Variants in ST6GAL2 observed in about 807,000 individuals in gnomAD.
ST6GAL2 encodes beta-galactoside alpha-2,6-sialyltransferase 2.
ST6GAL2 carries 24 observed loss-of-function variants against 37.5 expected under a neutral mutation model. The ratio of observed to expected loss-of-function variants is 0.64; its 90% confidence interval spans 0.46 to 0.90. The LOEUF (loss-of-function observed/expected upper bound fraction) is 0.90. ST6GAL2 is among the 40% of genes least tolerant of loss of function. The probability of loss-of-function intolerance (pLI) is 0.00; values close to 1 mark genes in which losing one functional copy is unlikely to be tolerated. For synonymous variants in ST6GAL2, 306 were observed against 295.1 expected (o/e 1.04, Z -0.38); for missense variants, 715 against 712.7 (o/e 1.00, Z -0.04).
chr2:106,829,458 T>G (rs985559667), intron 5 of ST6GAL2, among the ~76,000 whole-genome samples: 1 of 152,206 alleles, frequency 6.6e-6, no homozygotes, highest in Non-Finnish European at 1.5e-5. Context: ...CATGGTCAAC[T>G]GTCCCAGCTG....
intron 1 of ST6GAL2, among the ~76,000 whole-genome samples, chr2:106,864,158 A>G (rs1450163671): frequency 1.3e-5 from 2 of 152,236 alleles, no homozygotes; most frequent in African/African-American, 2.4e-5. Context: ...CAAACTACCC[A>G]CAGATGTCTG....
At position 106,843,701 on chromosome 2, in the gene ST6GAL2, G is replaced by T. The variant is rs966470817; in HGVS notation, c.277C>A (p.Pro93Thr). The T allele has an allele frequency of 2.5e-6, 4 of 1,613,022 alleles. No homozygotes were observed. The African/African-American group carries it at 5.3e-5, about 22-fold the overall frequency. The part of the protein sequence containing the change: ...AHPAGSFHAG[P>T]GDLQKWAQSQ... ...TGGGCCCATTTCTGCAGGTCTCCAG[G>T]CCCCGCATGAAAGGAACCGGCTGGG... Residue 93 changes from proline to threonine, a missense_variant, in exon 2 of 6, where the codon CCT (proline) becomes ACT (threonine). Physicochemically the swap from Pro to Thr is conservative, Grantham distance 38. Coordinates refer to ENST00000409382, the MANE Select transcript of ST6GAL2 (RefSeq NM_001142351.2).
At chr2:106,844,956 T>G (rs1034147399) in intron 1 of ST6GAL2, among the ~76,000 whole-genome samples, 1 of 152,096 alleles carries the variant, frequency 6.6e-6, no homozygotes, top group African/African-American at 2.4e-5. Context: ...AAAACATTAA[T>G]AAGAAATGCT....
At chr2:106,849,116 G>A (rs57194995) in intron 1 of ST6GAL2, among the ~76,000 whole-genome samples, 11,803 of 152,226 alleles carry the variant, frequency 0.078, 1,079 homozygotes, top group East Asian at 0.46. Flanking sequence ...TGCTTTCCCA[G>A]GTGGCCAGCC....
At chr2:106,836,203 T>C (rs1676629424) in intron 2 of ST6GAL2, among the ~76,000 whole-genome samples, 2 of 152,216 alleles carry the variant, frequency 1.3e-5, no homozygotes, top group Admixed American at 1.3e-4. Context: ...TGCAAGTCTC[T>C]TTAAGGTCTG....
intron 2 of ST6GAL2, among the ~76,000 whole-genome samples, chr2:106,839,162 G>A (rs1209046387): frequency 6.6e-6 from 1 of 152,144 alleles, no homozygotes; most frequent in African/African-American, 2.4e-5. Flanking sequence ...GCTTGCAAGG[G>A]CATCCAGGAA....
chr2:106,862,527 GA>G (rs1027937461), intron 1 of ST6GAL2, among the ~76,000 whole-genome samples: 1 of 150,662 alleles, frequency 6.6e-6, no homozygotes, highest in African/African-American at 2.4e-5. Context: ...TGATTTCGAA[GA>G]AAAAAAATAC....
At chr2:106,846,209 C>A (rs572180203) in intron 1 of ST6GAL2, among the ~76,000 whole-genome samples, 1 of 152,274 alleles carries the variant, frequency 6.6e-6, no homozygotes, top group East Asian at 1.9e-4. Flanking sequence ...AGTCAGTCAA[C>A]GGTGAGTGAT....
chr2:106,847,399 T>C (rs142035006), intron 1 of ST6GAL2, among the ~76,000 whole-genome samples: 70 of 152,350 alleles, frequency 4.6e-4, no homozygotes, highest in Middle Eastern at 6.8e-3. Context: ...AAGAATTCTA[T>C]TAAGAAATTG....
intron 1 of ST6GAL2, among the ~76,000 whole-genome samples, chr2:106,883,257 G>A (rs1191163903): frequency 2.0e-5 from 3 of 152,166 alleles, no homozygotes; most frequent in African/African-American, 7.2e-5. Context: ...ATTTTGTAAG[G>A]GGCATAATAA....
intron 5 of ST6GAL2, among the ~76,000 whole-genome samples, chr2:106,816,095 T>C (rs1227139784): frequency 5.3e-5 from 8 of 152,228 alleles, no homozygotes; most frequent in Non-Finnish European, 1.0e-4. Context: ...AGTTATTTGG[T>C]GTTTTTAAAA....
chr2:106,843,094 C>T lies in ST6GAL2; in HGVS notation c.884G>A (p.Ser295Asn), dbSNP rs1475433439. The T allele has an allele frequency of 1.3e-6, 2 of 1,521,292 alleles. No homozygotes were observed. Among genetic ancestry groups the T allele is most frequent in the Admixed American group, 4.7e-5 (2 of 42,568 alleles). The allele number at this position is 1,521,292 out of a possible 1,614,324, so 94.2% of individuals were successfully genotyped here. A position where few individuals can be genotyped will look rare whatever the true frequency, so the allele number is the denominator to read the frequency against. ...LSQLHPRGLR[S>N]CAVVMSAGAI... Reference sequence around the variant, plus strand: ...GCCTGCAGACATGACGACAGCGCAGCTGCGCAGGCCGCGGGGGTGCAGCTG... The same window carrying T: ...GCCTGCAGACATGACGACAGCGCAGTTGCGCAGGCCGCGGGGGTGCAGCTG... Residue 295 changes from serine (S) to asparagine (N), a missense_variant, in exon 2 of 6, where the codon AGC (serine) becomes AAC (asparagine). By Grantham distance (46) the Ser-to-Asn change is conservative. Coordinates refer to ENST00000409382, the MANE Select transcript of ST6GAL2 (RefSeq NM_001142351.2).
intron 3 of ST6GAL2, among the ~76,000 whole-genome samples, chr2:106,833,447 G>A (rs1025547505): frequency 1.3e-5 from 2 of 152,122 alleles, no homozygotes; most frequent in African/African-American, 4.8e-5. Context: ...CTTTTGTTCT[G>A]TAAGCAACTC....
Position 106,822,712 on chromosome 2 carries a change from C to T in ST6GAL2, c.1318+7354G>A, listed in dbSNP as rs140319137. ...ATGACCCAGAGTAGCCAAAACTATC[C>T]TGAGTGAAAAGAACAAAACTGGGGA... On this transcript the variant is annotated intron_variant, in intron 5 of 5. Transcript: ENST00000409382. 2.9e-3 allele frequency among the ~76,000 whole-genome samples: 437 copies of T among 152,096 alleles called. 1 individual carries two copies. The highest frequency in any genetic ancestry group is 3.4e-3 in the Non-Finnish European group (231 of 67,942).
chr2:106,871,390 T>C (rs1678261567), intron 1 of ST6GAL2, among the ~76,000 whole-genome samples: 1 of 152,176 alleles, frequency 6.6e-6, no homozygotes, highest in South Asian at 2.1e-4. Flanking sequence ...AGTGTAAGTT[T>C]ACATGAAATT....
chr2:106,838,229 G>A (rs1317967547), intron 2 of ST6GAL2, among the ~76,000 whole-genome samples: 1 of 152,188 alleles, frequency 6.6e-6, no homozygotes, highest in Non-Finnish European at 1.5e-5. Flanking sequence ...ATGCTGTGTT[G>A]TCCTTGAGAA....
chr2:106,874,487 G>A (rs947246635), intron 1 of ST6GAL2, among the ~76,000 whole-genome samples: 2 of 152,108 alleles, frequency 1.3e-5, no homozygotes, highest in Non-Finnish European at 2.9e-5. Flanking sequence ...AATGGACGAC[G>A]ACTGGGGAAT....
chr2:106,827,084 G>A (rs1247618191), intron 5 of ST6GAL2, among the ~76,000 whole-genome samples: 2 of 152,280 alleles, frequency 1.3e-5, no homozygotes, highest in African/African-American at 2.4e-5. Context: ...AGGAGCTGAC[G>A]TTAGAGGTTA....
intron 5 of ST6GAL2, among the ~76,000 whole-genome samples, chr2:106,817,981 C>G (rs1433178369): frequency 6.6e-6 from 1 of 152,190 alleles, no homozygotes; most frequent in African/African-American, 2.4e-5. Context: ...GGAGACACCC[C>G]TCTGCTGTGA....
Sources: gnomAD v4.1 joint callset for allele counts (sites outside exome capture counted in the v4.1 genomes callset) on GRCh38, gnomAD v4.1.1 for gene constraint, MANE v1.5 for transcripts, NCBI Gene and HGNC (gene_info 2026-07-23, HGNC 2026-07-21) for gene names.